CEP112: variants seen among roughly 807,000 people sequenced by gnomAD.
The protein encoded by CEP112 is centrosomal protein of 112 kDa.
In CEP112, 127 loss-of-function variants were observed where a neutral mutation model predicts 153.0. The observed-to-expected ratio is 0.83, with a 90% CI of 0.72 to 0.96. CEP112 has a LOEUF of 0.96. Among genes scored for constraint, CEP112 ranks in the 40% least tolerant of loss-of-function variants. The pLI is 0.00. For missense variants in CEP112, 1,089 were observed against 1,101.2 expected (o/e 0.99, Z 0.16); for synonymous variants, 358 against 374.4 (o/e 0.96, Z 0.51).
intron 17 of CEP112, among the ~76,000 whole-genome samples, chr17:65,993,450 T>C (rs2063668846): frequency 6.6e-6 from 1 of 152,188 alleles, no homozygotes; most frequent in South Asian, 2.1e-4. Flanking sequence ...CCTTTGGGTA[T>C]AATATGTGTA....
At chr17:66,065,535 C>T (rs1020518550) in intron 10 of CEP112, among the ~76,000 whole-genome samples, 2 of 152,154 alleles carry the variant, frequency 1.3e-5, no homozygotes, top group Non-Finnish European at 2.9e-5. Context: ...CTCTTTACAT[C>T]CAGCATCTAC....
At position 65,676,619 on chromosome 17, in the gene CEP112, C is replaced by T. The variant is rs879067412; in HGVS notation, c.2697+12510G>A. ...GATTTTCATTCGGTTTGTTCAGCAA[C>T]GTATATCCAGGCCATATAGTAGGTG... On this transcript the variant is annotated intron_variant, in intron 24 of 26. Coordinates refer to ENST00000535342, the MANE Select transcript of CEP112 (RefSeq NM_001199165.4). Among the ~76,000 whole-genome samples the T allele has an allele frequency of 4.6e-5, 7 of 152,268 alleles. No individual in the cohort carries two copies. The East Asian group carries it at 9.7e-4, about 21-fold the overall frequency.
At chr17:65,704,046 G>A (rs2048778552) in intron 23 of CEP112, among the ~76,000 whole-genome samples, 1 of 151,994 alleles carries the variant, frequency 6.6e-6, no homozygotes, top group African/African-American at 2.4e-5. Context: ...AGGTCACCCT[G>A]GAGTAGAGTG....
At chr17:65,974,590 T>C (rs1034937890) in intron 17 of CEP112, among the ~76,000 whole-genome samples, 1 of 152,156 alleles carries the variant, frequency 6.6e-6, no homozygotes, top group African/African-American at 2.4e-5. Flanking sequence ...ACTGCAAATA[T>C]TGGGAACAAC....
chr17:66,144,194 A>G (rs1324037900), intron 4 of CEP112, among the ~76,000 whole-genome samples: 1 of 152,218 alleles, frequency 6.6e-6, no homozygotes. Context: ...TGTAACCACA[A>G]TAAATATACA....
In CEP112 at chr17:65,729,817, G is replaced by A. The variant is rs543583240; in HGVS notation, c.2607+13251C>T. On this transcript the variant is annotated intron_variant, in intron 23 of 26. Coordinates refer to ENST00000535342, the MANE Select transcript of CEP112 (RefSeq NM_001199165.4). ...CCAGCTACTAAGGTTGGGGTCTGTG[G>A]AGGGAGGATCGCTTGAGCCCAGGAG... 2.0e-5 allele frequency among the ~76,000 whole-genome samples: 3 copies of A among 152,296 alleles called. No homozygotes were observed. The South Asian group carries it at 6.2e-4, about 32-fold the overall frequency.
At chr17:65,916,541 T>A (rs1391291767) in intron 19 of CEP112, among the ~76,000 whole-genome samples, 1 of 148,338 alleles carries the variant, frequency 6.7e-6, no homozygotes, top group Non-Finnish European at 1.5e-5. Flanking sequence ...AACAGCTTCT[T>A]TTTTTTTTTT....
At chr17:65,847,366 A>G (rs546060123) in intron 21 of CEP112, among the ~76,000 whole-genome samples, 2 of 152,232 alleles carry the variant, frequency 1.3e-5, no homozygotes, top group Non-Finnish European at 2.9e-5. Flanking sequence ...AAATTCCCTT[A>G]TATCTTCTTC....
At chr17:65,971,267 C>T (rs1400167139) in intron 17 of CEP112, among the ~76,000 whole-genome samples, 2 of 152,180 alleles carry the variant, frequency 1.3e-5, no homozygotes, top group Admixed American at 6.5e-5. Flanking sequence ...GTACTGCACA[C>T]ATGTACAGCA....
chr17:65,663,344 T>C (rs1455051532), intron 24 of CEP112, among the ~76,000 whole-genome samples: 1 of 152,194 alleles, frequency 6.6e-6, no homozygotes, highest in Non-Finnish European at 1.5e-5. Context: ...ACTTTAAATG[T>C]CCCTTATGGC....
At chr17:65,835,193 TAAA>T (rs35890393) in intron 21 of CEP112, among the ~76,000 whole-genome samples, 11 of 130,842 alleles carry the variant, frequency 8.4e-5, no homozygotes, top group Admixed American at 1.5e-4. Context: ...AAAATAAAAG[TAAA>T]AAAAAAAAAA....
At chr17:66,183,086 T>C in intron 2 of CEP112, 108 bp downstream of exon 2, 1 of 720,482 alleles carries the variant, frequency 1.4e-6, no homozygotes, top group South Asian at 2.2e-5. Context: ...CAAAAATTGT[T>C]ACTAGAGAAA....
At chr17:65,649,320 C>T (rs1279989061) in intron 24 of CEP112, among the ~76,000 whole-genome samples, 4 of 152,186 alleles carry the variant, frequency 2.6e-5, no homozygotes, top group Non-Finnish European at 5.9e-5. Context: ...GAGGAACCTC[C>T]TATTCCATTG....
intron 17 of CEP112, among the ~76,000 whole-genome samples, chr17:65,972,983 C>A (rs1291386690): frequency 1.3e-5 from 2 of 152,200 alleles, no homozygotes; most frequent in East Asian, 3.8e-4. Flanking sequence ...CCAGGCTGAT[C>A]TCGAACTCCT....
rs576688358 is a variant in CEP112 at position 65,701,118 on chromosome 17, G to A, written c.2608-11900C>T. Among the ~76,000 whole-genome samples the A allele has an allele frequency of 9.8e-5, 15 of 152,340 alleles. No individual in the cohort carries two copies. In the South Asian group the frequency reaches 2.5e-3, roughly 25 times the overall value. ...TGGGAGGCCATTAGGAGGCCATGTA[G>A]TATCACGTGGGAGATGAGCTTGATT... On this transcript the variant is annotated intron_variant, in intron 23 of 26. Transcript: ENST00000535342.
intron 23 of CEP112, among the ~76,000 whole-genome samples, chr17:65,742,160 G>A (rs897753880): frequency 4.6e-5 from 7 of 152,004 alleles, no homozygotes; most frequent in South Asian, 2.1e-4. Context: ...TCTTCCCAAC[G>A]TTACTCAGAT....
intron 17 of CEP112, among the ~76,000 whole-genome samples, chr17:65,983,337 A>C (rs1407817774): frequency 6.6e-6 from 1 of 152,194 alleles, no homozygotes; most frequent in African/African-American, 2.4e-5. Context: ...CAAAGACCGC[A>C]CGCCCGCCAT....
chr17:65,651,674 C>T (rs1453762234), intron 24 of CEP112, among the ~76,000 whole-genome samples: 2 of 147,394 alleles, frequency 1.4e-5, no homozygotes, highest in African/African-American at 5.0e-5. Flanking sequence ...TCCTTCCTTC[C>T]TTCCTTCCTT....
At chr17:66,129,622 C>T in intron 6 of CEP112, 124 bp downstream of exon 6, 1 of 626,170 alleles carries the variant, frequency 1.6e-6, no homozygotes, top group South Asian at 2.5e-5. Context: ...TTCTCAAGGC[C>T]ACACAGTAAC....
Sources: gnomAD v4.1 joint callset for allele counts (sites outside exome capture counted in the v4.1 genomes callset) on GRCh38, gnomAD v4.1.1 for gene constraint, MANE v1.5 for transcripts, NCBI Gene and HGNC (gene_info 2026-07-23, HGNC 2026-07-21) for gene names.